Variants in ROBO2 observed in about 807,000 individuals in gnomAD.
ROBO2 encodes the protein roundabout homolog 2.
ROBO2 carries 53 observed loss-of-function variants against 160.8 expected under a neutral mutation model. The ratio of observed to expected loss-of-function variants is 0.33; its 90% CI spans 0.26 to 0.41. The LOEUF is 0.41. ROBO2 is among the 10% of genes least tolerant of loss of function. The probability of loss-of-function intolerance (pLI) is 1.00; values close to 1 mark genes in which losing one functional copy is unlikely to be tolerated. For missense variants in ROBO2, 1,577 were observed against 1,722.4 expected, an observed-to-expected ratio of 0.92 and a Z score of 1.49; for synonymous variants, 664 against 611.7, an observed-to-expected ratio of 1.09 and a Z score of -1.26.
chr3:77,011,795 G>A (rs2061939198), intron 2 of ROBO2, among the ~76,000 whole-genome samples: 1 of 151,942 alleles, frequency 6.6e-6, no homozygotes, highest in Non-Finnish European at 1.5e-5. Flanking sequence ...TCATTATAAT[G>A]TGCTATCTAT....
At chr3:77,294,965 G>T (rs142741071) in intron 2 of ROBO2, among the ~76,000 whole-genome samples, 226 of 151,726 alleles carry the variant, frequency 1.5e-3, no homozygotes, top group African/African-American at 5.2e-3. Flanking sequence ...GCTGAGGCTA[G>T]ATCACCAAAG....
chr3:75,921,821 A>T (rs1947069171), intron 1 of ROBO2, among the ~76,000 whole-genome samples: 1 of 152,202 alleles, frequency 6.6e-6, no homozygotes, highest in African/African-American at 2.4e-5. Flanking sequence ...CACAATGTTA[A>T]GTAGTAGAAA....
intron 2 of ROBO2, among the ~76,000 whole-genome samples, chr3:76,929,204 G>C (rs928660425): frequency 2.0e-5 from 3 of 152,178 alleles, no homozygotes; most frequent in African/African-American, 7.2e-5. Flanking sequence ...AGTTTGCAGT[G>C]AGCTGAGATT....
chr3:76,822,093 T>A (rs2066172714), intron 2 of ROBO2, among the ~76,000 whole-genome samples: 2 of 152,148 alleles, frequency 1.3e-5, no homozygotes, highest in South Asian at 4.1e-4. Flanking sequence ...ATCTTTAAAG[T>A]CTTTATGACT....
intron 2 of ROBO2, among the ~76,000 whole-genome samples, chr3:76,757,890 G>C (rs1305953169): frequency 6.6e-6 from 1 of 151,408 alleles, no homozygotes; most frequent in East Asian, 2.0e-4. Context: ...AAGGATTCAG[G>C]AACAATATTT....
chr3:77,477,785 C>G (rs1047069141), intron 3 of ROBO2, among the ~76,000 whole-genome samples: 1 of 150,924 alleles, frequency 6.6e-6, no homozygotes, highest in Non-Finnish European at 1.5e-5. Context: ...AATAATTGCA[C>G]CAATCTGAGT....
At chr3:77,185,854 A>G (rs978219425) in intron 2 of ROBO2, among the ~76,000 whole-genome samples, 1 of 151,998 alleles carries the variant, frequency 6.6e-6, no homozygotes, top group East Asian at 1.9e-4. Flanking sequence ...AGCCATAAAA[A>G]GGAATGAATT....
chr3:77,215,351 C>T (rs1392609278), intron 2 of ROBO2, among the ~76,000 whole-genome samples: 1 of 152,184 alleles, frequency 6.6e-6, no homozygotes, highest in Non-Finnish European at 1.5e-5. Context: ...CACTGATACC[C>T]TTTCTTCCAG....
intron 2 of ROBO2, among the ~76,000 whole-genome samples, chr3:76,322,163 CGTATATATATATATAT>C (rs2072586252): frequency 2.5e-5 from 1 of 40,158 alleles, no homozygotes; most frequent in African/African-American, 9.3e-5. Flanking sequence ...CTACTTCTTC[CGTATATATATATATAT>C]ATATATATAT....
At chr3:76,869,092 A>G (rs2071694494) in intron 2 of ROBO2, among the ~76,000 whole-genome samples, 1 of 152,106 alleles carries the variant, frequency 6.6e-6, no homozygotes, top group Non-Finnish European at 1.5e-5. Context: ...CCTAAGGAAT[A>G]GACACAATCA....
intron 2 of ROBO2, among the ~76,000 whole-genome samples, chr3:77,010,298 T>C (rs1379040990): frequency 1.3e-5 from 2 of 152,144 alleles, no homozygotes; most frequent in Admixed American, 6.6e-5. Context: ...AACACCCTCA[T>C]CTTTTGCCTG....
rs79202991 is a variant in ROBO2, at chr3:76,392,465, A to G, written c.109+454863A>G. ...GTCACATATAAATTCCTGTTATACTAAATTGATATGCATGATGCTTTCTTA... is the reference window on the plus strand; with the variant it reads ...GTCACATATAAATTCCTGTTATACTGAATTGATATGCATGATGCTTTCTTA... On this transcript the variant is annotated intron_variant, in intron 2 of 26. Transcript: ENST00000487694. Among the ~76,000 whole-genome samples the G allele has an allele frequency of 3.3e-3, 502 of 152,258 alleles. 6 individuals are homozygous for G. The highest frequency in any genetic ancestry group is 0.024 in the Admixed American group (367 of 15,294).
chr3:77,249,041 G>A (rs2090064893), intron 2 of ROBO2, among the ~76,000 whole-genome samples: 2 of 151,942 alleles, frequency 1.3e-5, no homozygotes, highest in Admixed American at 1.3e-4. Context: ...TAGTAGAGAA[G>A]GGGTTTCTCC....
intron 6 of ROBO2, among the ~76,000 whole-genome samples, chr3:77,526,201 C>T (rs1270396541): frequency 4.0e-5 from 6 of 151,468 alleles, no homozygotes; most frequent in Non-Finnish European, 1.5e-5. Flanking sequence ...TGAAGCTTCC[C>T]TGTTTTAATT....
Position 77,134,225 on chromosome 3 carries a change from G to C in ROBO2, c.388+35885G>C, listed in dbSNP as rs369297364. ...AAAAACAAGGCTAGGTGATCTTTAT[G>C]AGAAAATGCTTAAAAGCTATTTCCA... On this transcript the variant is annotated intron_variant, in intron 2 of 25. Coordinates refer to ENST00000461745, the Ensembl canonical transcript of ROBO2. 2.4e-4 allele frequency among the ~76,000 whole-genome samples: 37 copies of C among 152,060 alleles called. No individual in the cohort carries two copies. The South Asian group carries it at 7.3e-3, about 30-fold the overall frequency.
intron 2 of ROBO2, among the ~76,000 whole-genome samples, chr3:76,200,090 C>G (rs1702452513): frequency 6.6e-6 from 1 of 152,124 alleles, no homozygotes; most frequent in African/African-American, 2.4e-5. Flanking sequence ...TAGCAAAAGA[C>G]AGATTAACAA....
chr3:77,268,252 T>C (rs1190302965), intron 2 of ROBO2, among the ~76,000 whole-genome samples: 5 of 152,200 alleles, frequency 3.3e-5, no homozygotes, highest in Non-Finnish European at 5.9e-5. Flanking sequence ...ATATGGAACA[T>C]ATGCTCAATG....
chr3:76,387,612 A>G (rs1251810092), intron 2 of ROBO2, among the ~76,000 whole-genome samples: 1 of 152,152 alleles, frequency 6.6e-6, no homozygotes, highest in Non-Finnish European at 1.5e-5. Context: ...AAGTCTGCAA[A>G]ACAGCCCTAT....
intron 2 of ROBO2, among the ~76,000 whole-genome samples, chr3:76,169,467 G>A (rs1384615522): frequency 2.0e-5 from 3 of 152,206 alleles, no homozygotes; most frequent in African/African-American, 4.8e-5. Context: ...TATCAATAAG[G>A]TCATCCTAGT....
Sources: gnomAD v4.1 joint callset for allele counts (sites outside exome capture counted in the v4.1 genomes callset) on GRCh38, gnomAD v4.1.1 for gene constraint, MANE v1.5 for transcripts, NCBI Gene and HGNC (gene_info 2026-07-23, HGNC 2026-07-21) for gene names.